Variants in PTPRD observed in about 807,000 individuals in gnomAD.
PTPRD encodes the protein protein tyrosine phosphatase receptor type D.
In PTPRD, 34 loss-of-function variants were observed where a neutral mutation model predicts 214.5. The observed-to-expected ratio is 0.16, with a 90% confidence interval of 0.12 to 0.21. The LOEUF is 0.21. Among genes scored for constraint, PTPRD ranks in the 10% least tolerant of loss-of-function variants. The probability of loss-of-function intolerance (pLI) is 1.00; values close to 1 mark genes in which losing one functional copy is unlikely to be tolerated. For missense variants in PTPRD, 2,545 were observed against 2,398.7 expected (o/e 1.06, Z -1.27); for synonymous variants, 1,128 against 845.7 (o/e 1.33, Z -5.79).
In PTPRD at chr9:10,043,966, G is replaced by T. The variant is rs540381551; in HGVS notation, c.-544-10176C>A. Among the ~76,000 whole-genome samples the T allele has an allele frequency of 5.3e-5, 8 of 151,782 alleles. No homozygotes were observed. In the South Asian group the frequency reaches 1.7e-3, roughly 32 times the overall value. The stretch of plus-strand genomic sequence containing the variant: ...GATTACTGGCTATTTTTTATTATTT[G>T]TAACACAGAGACAAAAGCTCAGAAT... On this transcript the variant is annotated intron_variant, in intron 3 of 45. Coordinates refer to ENST00000381196, the MANE Select transcript of PTPRD (RefSeq NM_002839.4).
chr9:10,082,296 A>C (rs1416474714), intron 3 of PTPRD, among the ~76,000 whole-genome samples: 1 of 152,118 alleles, frequency 6.6e-6, no homozygotes, highest in African/African-American at 2.4e-5. Flanking sequence ...TTTCACACTT[A>C]TCAAATGAAT....
chr9:10,051,752 T>A (rs1336922900), intron 3 of PTPRD, among the ~76,000 whole-genome samples: 2 of 152,110 alleles, frequency 1.3e-5, no homozygotes. Context: ...GTACCCCTTT[T>A]CTGTAGTCAA....
chr9:9,394,918 T>A (rs932361896), intron 9 of PTPRD, among the ~76,000 whole-genome samples: 1 of 152,106 alleles, frequency 6.6e-6, no homozygotes, highest in African/African-American at 2.4e-5. Context: ...CATGTTTGCA[T>A]AGTCAGCTTT....
intron 9 of PTPRD, among the ~76,000 whole-genome samples, chr9:9,333,380 C>T (rs896472733): frequency 6.6e-6 from 1 of 150,660 alleles, no homozygotes; most frequent in African/African-American, 2.4e-5. Context: ...GGAGTAAAGA[C>T]AGAGAGAGTA....
intron 2 of PTPRD, among the ~76,000 whole-genome samples, chr9:10,517,635 T>C (rs1308773847): frequency 6.6e-6 from 1 of 152,060 alleles, no homozygotes; most frequent in African/African-American, 2.4e-5. Context: ...TCAATATCTA[T>C]AGTTATAGCT....
intron 10 of PTPRD, among the ~76,000 whole-genome samples, chr9:9,023,939 G>T (rs1245026718): frequency 6.6e-6 from 1 of 151,590 alleles, no homozygotes; most frequent in African/African-American, 2.4e-5. Context: ...CTTCGGTTAA[G>T]ATTAAGTCAT....
At chr9:9,990,937 C>CT (rs5896359) in intron 4 of PTPRD, among the ~76,000 whole-genome samples, 118,524 of 141,628 alleles carry the variant, frequency 0.84, 49,611 homozygotes, top group Middle Eastern at 0.94. Flanking sequence ...GTAAAATAGT[C>CT]TTTTTTTTTT....
rs1822196442 is a variant in PTPRD, at chr9:8,316,873, A to AAAAC, written c.*997_*1000dup. On this transcript the variant is annotated 3_prime_UTR_variant, in exon 46 of 46. Coordinates refer to ENST00000381196, the MANE Select transcript of PTPRD (RefSeq NM_002839.4). ...TTACAATAGCTTTTCTACGTTTAAA[A>AAAAC]AAACTAAATCATGGAAGAACTGACT... 8.7e-6 allele frequency: 2 copies of AAAAC among 229,404 alleles called. No individual in the cohort carries two copies. Among genetic ancestry groups the AAAAC allele is most frequent in the South Asian group, 1.8e-4 (1 of 5,454 alleles). The allele number at this position is 229,404 out of a possible 1,614,324, so 14.2% of individuals were successfully genotyped here. A position where few individuals can be genotyped will look rare whatever the true frequency, so the allele number is the denominator to read the frequency against.
chr9:10,441,469 C>A (rs1481068168), intron 2 of PTPRD, among the ~76,000 whole-genome samples: 1 of 151,516 alleles, frequency 6.6e-6, no homozygotes, highest in Non-Finnish European at 1.5e-5. Context: ...CCTTTGACAC[C>A]GAATATATTT....
intron 11 of PTPRD, among the ~76,000 whole-genome samples, chr9:8,780,357 T>G (rs1475870920): frequency 7.0e-6 from 1 of 142,582 alleles, no homozygotes; most frequent in Non-Finnish European, 1.5e-5. Context: ...TAAATACCAA[T>G]TCTGAGCTCA....
intron 9 of PTPRD, among the ~76,000 whole-genome samples, chr9:9,253,239 T>C (rs1203924433): frequency 6.6e-6 from 1 of 151,994 alleles, no homozygotes; most frequent in Non-Finnish European, 1.5e-5. Context: ...TGATATCTAT[T>C]TTTTTGGCTA....
intron 44 of PTPRD, among the ~76,000 whole-genome samples, chr9:8,324,304 C>T (rs997494984): frequency 2.6e-5 from 4 of 152,164 alleles, no homozygotes; most frequent in South Asian, 4.2e-4. Flanking sequence ...CCTGCGTCCA[C>T]GTGTTCTCAC....
intron 14 of PTPRD, among the ~76,000 whole-genome samples, chr9:8,548,449 C>T (rs1375767116): frequency 6.6e-6 from 1 of 151,970 alleles, no homozygotes; most frequent in Admixed American, 6.6e-5. Flanking sequence ...CTCACTGCAA[C>T]CTCACCCTCC....
At position 10,487,843 on chromosome 9, in the gene PTPRD, T is replaced by G. The variant is rs541936200; in HGVS notation, c.-600+124555A>C. Among the ~76,000 whole-genome samples, 33 of 152,098 alleles carry G rather than the reference T, an allele frequency of 2.2e-4. No homozygotes were observed. In the East Asian group the frequency reaches 5.6e-3, roughly 26 times the overall value. On this transcript the variant is annotated intron_variant, in intron 2 of 45. Transcript: ENST00000381196. ...ATTATTTTTAGAAGAACTTTTTTTT[T>G]TTTTAAAAAGGAGACTTGTAGAGGT...
intron 2 of PTPRD, among the ~76,000 whole-genome samples, chr9:10,495,369 T>C (rs1354118648): frequency 6.6e-6 from 1 of 151,830 alleles, no homozygotes. Context: ...CAAATCCTGA[T>C]TTTACAATTG....
intron 11 of PTPRD, among the ~76,000 whole-genome samples, chr9:8,908,079 G>A (rs955757680): frequency 6.6e-6 from 1 of 152,182 alleles, no homozygotes; most frequent in Non-Finnish European, 1.5e-5. Flanking sequence ...CACATACAAG[G>A]AAGCAGCAGC....
chr9:9,185,713 A>C (rs575858685), intron 9 of PTPRD, among the ~76,000 whole-genome samples: 1 of 152,180 alleles, frequency 6.6e-6, no homozygotes, highest in East Asian at 1.9e-4. Flanking sequence ...TGGCACCTTC[A>C]GGCTAGATTT....
intron 9 of PTPRD, among the ~76,000 whole-genome samples, chr9:9,307,104 G>A (rs532995301): frequency 6.6e-6 from 1 of 152,262 alleles, no homozygotes; most frequent in East Asian, 1.9e-4. Context: ...AGTAAGCTTT[G>A]TAATCTAATT....
chr9:9,168,876 T>A lies in PTPRD; in HGVS notation c.-143+14428A>T, dbSNP rs531734638. ...TTAAGTACTGTCTTTTAGATTTTTT[T>A]AAAAAATATTTATTTATATATTTTT... is the stretch of plus-strand genomic sequence containing the variant. On this transcript the variant is annotated intron_variant, in intron 10 of 45. Coordinates refer to ENST00000381196, the MANE Select transcript of PTPRD (RefSeq NM_002839.4). 1.2e-3 allele frequency among the ~76,000 whole-genome samples: 186 copies of A among 151,924 alleles called. 1 individual carries two copies. Among genetic ancestry groups the A allele is most frequent in the African/African-American group, 2.8e-3 (117 of 41,548 alleles).
Sources: gnomAD v4.1 joint callset for allele counts (sites outside exome capture counted in the v4.1 genomes callset) on GRCh38, gnomAD v4.1.1 for gene constraint, MANE v1.5 for transcripts, NCBI Gene and HGNC (gene_info 2026-07-23, HGNC 2026-07-21) for gene names.